Variants in GALNTL6 observed in about 807,000 individuals in gnomAD.
GALNTL6 encodes the protein polypeptide N-acetylgalactosaminyltransferase-like 6.
In GALNTL6, 46 loss-of-function variants were observed where a neutral mutation model predicts 73.7. The ratio of observed to expected loss-of-function variants is 0.62; its 90% CI spans 0.49 to 0.80. The LOEUF (loss-of-function observed/expected upper bound fraction) is 0.80, where lower values mean the gene tolerates loss of function less well. GALNTL6 is among the 30% of genes least tolerant of loss of function. The probability of loss-of-function intolerance (pLI) is 0.00; values close to 1 mark genes in which losing one functional copy is unlikely to be tolerated. For missense variants in GALNTL6, 604 were observed against 755.0 expected (o/e 0.80, Z 2.34); for synonymous variants, 259 against 263.7 (o/e 0.98, Z 0.17).
chr4:172,639,578 G>A (rs534344788), intron 5 of GALNTL6, among the ~76,000 whole-genome samples: 1 of 152,096 alleles, frequency 6.6e-6, no homozygotes, highest in South Asian at 2.1e-4. Flanking sequence ...ATATTGTCAG[G>A]TAATTATACT....
At chr4:171,956,114 C>T (rs569938080) in intron 2 of GALNTL6, among the ~76,000 whole-genome samples, 1 of 138,118 alleles carries the variant, frequency 7.2e-6, no homozygotes, top group African/African-American at 2.8e-5. Flanking sequence ...GTGATCCTCC[C>T]GCCACAGTCT....
chr4:171,911,847 T>G (rs1737484044), intron 2 of GALNTL6, among the ~76,000 whole-genome samples: 1 of 152,198 alleles, frequency 6.6e-6, no homozygotes. Flanking sequence ...GCATTCCAAT[T>G]TGGATATTTT....
chr4:172,435,105 T>A (rs1418388654), intron 5 of GALNTL6, among the ~76,000 whole-genome samples: 3 of 152,148 alleles, frequency 2.0e-5, no homozygotes, highest in Non-Finnish European at 4.4e-5. Context: ...TCCCTGACAT[T>A]GTTAAAATTT....
intron 3 of GALNTL6, among the ~76,000 whole-genome samples, chr4:172,259,978 T>TA (rs572077096): frequency 6.2e-4 from 94 of 151,840 alleles, no homozygotes; most frequent in African/African-American, 2.1e-3. Context: ...TGCCTATTTT[T>TA]ATACCAGTAC....
intron 10 of GALNTL6, among the ~76,000 whole-genome samples, chr4:172,994,003 T>C (rs754749175): frequency 6.6e-6 from 1 of 152,290 alleles, no homozygotes. Flanking sequence ...AACCCGTTCA[T>C]TGTCAGAACT....
At chr4:171,924,379 A>C (rs1357265845) in intron 2 of GALNTL6, among the ~76,000 whole-genome samples, 2 of 152,164 alleles carry the variant, frequency 1.3e-5, no homozygotes, top group Non-Finnish European at 2.9e-5. Flanking sequence ...AAACGTTATG[A>C]GGTGAGGGAG....
At chr4:172,646,117 G>T (rs1330125434) in intron 5 of GALNTL6, among the ~76,000 whole-genome samples, 2 of 151,982 alleles carry the variant, frequency 1.3e-5, no homozygotes, top group Non-Finnish European at 2.9e-5. Flanking sequence ...TGTATAGAAA[G>T]TATTTATATT....
At chr4:172,953,158 A>G (rs1466522281) in intron 10 of GALNTL6, among the ~76,000 whole-genome samples, 1 of 152,258 alleles carries the variant, frequency 6.6e-6, no homozygotes, top group Non-Finnish European at 1.5e-5. Flanking sequence ...CAGTGGAAAT[A>G]GAATGGAAAA....
intron 5 of GALNTL6, among the ~76,000 whole-genome samples, chr4:172,607,115 T>A (rs1015032917): frequency 4.6e-5 from 7 of 151,950 alleles, no homozygotes; most frequent in African/African-American, 1.7e-4. Context: ...GTATTTCTGG[T>A]CACCCCCCAA....
intron 2 of GALNTL6, among the ~76,000 whole-genome samples, chr4:171,956,581 A>C (rs1189359852): frequency 6.6e-6 from 1 of 152,124 alleles, no homozygotes; most frequent in East Asian, 1.9e-4. Context: ...TGATAATTTC[A>C]TATTTCTTCT....
At chr4:172,606,485 A>T (rs543156406) in intron 5 of GALNTL6, among the ~76,000 whole-genome samples, 17 of 147,838 alleles carry the variant, frequency 1.1e-4, no homozygotes, top group Non-Finnish European at 2.5e-4. Flanking sequence ...AAAACAAAAA[A>T]AAATAGCTAA....
At chr4:172,391,159 T>TA (rs1291998748) in intron 5 of GALNTL6, among the ~76,000 whole-genome samples, 4 of 152,220 alleles carry the variant, frequency 2.6e-5, no homozygotes, top group Non-Finnish European at 5.9e-5. Flanking sequence ...ACAGACTGAA[T>TA]AATTTATAAG....
chr4:172,032,111 T>C (rs1741789294), intron 2 of GALNTL6, among the ~76,000 whole-genome samples: 1 of 152,160 alleles, frequency 6.6e-6, no homozygotes, highest in Admixed American at 6.6e-5. Flanking sequence ...ATAAGATACC[T>C]TATTTTTACT....
intron 5 of GALNTL6, among the ~76,000 whole-genome samples, chr4:172,354,992 C>T (rs1742101035): frequency 6.6e-6 from 1 of 152,024 alleles, no homozygotes; most frequent in South Asian, 2.1e-4. Flanking sequence ...ATGCTTACTA[C>T]TACAATACTT....
At chr4:172,193,472 G>GCAA (rs896295242) in intron 2 of GALNTL6, among the ~76,000 whole-genome samples, 7 of 151,930 alleles carry the variant, frequency 4.6e-5, no homozygotes, top group African/African-American at 7.3e-5. Flanking sequence ...CAAACCAAAA[G>GCAA]CAACAACAAC....
intron 5 of GALNTL6, among the ~76,000 whole-genome samples, chr4:172,567,915 T>C (rs1292925337): frequency 6.6e-6 from 1 of 152,184 alleles, no homozygotes; most frequent in Non-Finnish European, 1.5e-5. Flanking sequence ...AGAACCTGAA[T>C]TGAAATTGTT....
chr4:172,595,788 A>G (rs1410035094), intron 5 of GALNTL6, among the ~76,000 whole-genome samples: 1 of 152,174 alleles, frequency 6.6e-6, no homozygotes, highest in Non-Finnish European at 1.5e-5. Flanking sequence ...CAAATAATTT[A>G]TCCCTGGACC....
chr4:172,467,279 G>A (rs751793729), intron 5 of GALNTL6, among the ~76,000 whole-genome samples: 1 of 152,188 alleles, frequency 6.6e-6, no homozygotes, highest in Non-Finnish European at 1.5e-5. Context: ...GAATCAATTA[G>A]CTACTGCATA....
intron 5 of GALNTL6, among the ~76,000 whole-genome samples, chr4:172,528,620 A>G (rs1735053571): frequency 6.6e-6 from 1 of 151,396 alleles, no homozygotes; most frequent in Non-Finnish European, 1.5e-5. Context: ...CTGGGATTAC[A>G]GGCATGAGCC....
Sources: allele counts gnomAD v4.1 joint callset (sites outside exome capture counted in the v4.1 genomes callset), GRCh38; gene constraint gnomAD v4.1.1; transcripts MANE v1.5; gene names NCBI Gene and HGNC (gene_info 2026-07-23, HGNC 2026-07-21).